The following STAB2 variants were observed in gnomAD, a reference collection of about 807,000 sequenced individuals.
STAB2 encodes the protein stabilin 2.
Under a neutral mutation model 338.1 loss-of-function variants are expected in STAB2, and 288 were observed. The ratio of observed to expected loss-of-function variants is 0.85; its 90% CI spans 0.77 to 0.94. The LOEUF (loss-of-function observed/expected upper bound fraction) is 0.94. Ranked by LOEUF, STAB2 falls within the 40% of genes least tolerant of loss-of-function variation. STAB2 has a pLI of 0.00. For missense variants in STAB2, 3,141 were observed against 3,210.1 expected (o/e 0.98, Z 0.52); for synonymous variants, 1,202 against 1,193.3 (o/e 1.01, Z -0.15).
Position 103,753,316 on chromosome 12 carries a change from C to A in STAB2, c.6677C>A (p.Thr2226Asn). 6.2e-7 allele frequency: 1 copy of A among 1,614,244 alleles called. No individual in the cohort carries two copies. The highest frequency in any genetic ancestry group is 8.5e-7 in the Non-Finnish European group (1 of 1,180,040). ...AREACANEAA[T>N]MATYNQLSYA... Reference sequence around the variant, plus strand: ...GAGGCCTGTGCCAACGAAGCTGCGACCATGGCAACCTACAACCAGCTCTCC... The same window carrying A: ...GAGGCCTGTGCCAACGAAGCTGCGAACATGGCAACCTACAACCAGCTCTCC... The change falls in exon 61 of 69, where the codon ACC becomes AAC. Residue 2226 changes from threonine to asparagine, a missense_variant. Coordinates refer to ENST00000388887, the MANE Select transcript of STAB2 (RefSeq NM_017564.10).
At position 103,755,708 on chromosome 12, in the gene STAB2, A is replaced by G. The variant is rs759700142; in HGVS notation, c.6977A>G (p.Asn2326Ser). The change falls in exon 63 of 69, where the codon AAC becomes AGC. Residue 2326 changes from asparagine to serine, a missense_variant. Asn to Ser is a conservative substitution (Grantham distance 46). Transcript: ENST00000388887. ...CTGATGTCCTTCCCCTCACTCACAA[A>G]CTTCCTGACGGTATGTACCATGTCT... The part of the protein sequence containing the change: ...QVLMSFPSLT[N>S]FLTEVLAYSN... 1.9e-6 allele frequency: 3 copies of G among 1,614,022 alleles called. No homozygotes were observed. The highest frequency in any genetic ancestry group is 2.5e-6 in the Non-Finnish European group (3 of 1,180,000).
At chr12:103,587,787 A>G (rs192960374) in intron 1 of STAB2, among the ~76,000 whole-genome samples, 7 of 152,278 alleles carry the variant, frequency 4.6e-5, no homozygotes, top group Admixed American at 2.0e-4. Context: ...TGGGACCTCT[A>G]ATCTTAGTGC....
chr12:103,736,998 G>C (rs1313579068), intron 52 of STAB2, among the ~76,000 whole-genome samples: 5 of 151,854 alleles, frequency 3.3e-5, no homozygotes, highest in Admixed American at 1.3e-4. Flanking sequence ...GATTATGCCT[G>C]GTACATGTGA....
chr12:103,659,032 G>A (rs1424106480), intron 15 of STAB2, among the ~76,000 whole-genome samples: 2 of 152,224 alleles, frequency 1.3e-5, no homozygotes, highest in Non-Finnish European at 2.9e-5. Flanking sequence ...AAGTTGAGAT[G>A]TAAAGGCTAG....
intron 5 of STAB2, among the ~76,000 whole-genome samples, chr12:103,629,501 C>T (rs191100246): frequency 1.1e-3 from 161 of 152,256 alleles, no homozygotes; most frequent in African/African-American, 3.6e-3. Context: ...ATAGTGGACA[C>T]GGAACAAAGA....
chr12:103,689,984 T>C lies in STAB2; in HGVS notation c.3182+2T>C, dbSNP rs756031449. The C allele has an allele frequency of 6.2e-7, 1 of 1,611,446 alleles. No individual in the cohort carries two copies. The highest frequency in any genetic ancestry group is 1.7e-5 in the Admixed American group (1 of 59,266). On this transcript the variant is annotated splice_donor_variant, in intron 29 of 68. Transcript: ENST00000388887. LOFTEE classifies it high-confidence loss of function. ...GAGCAATATTCCAGCCCTAATAAAG[T>C]AGGTGTTACTTATTTTATTTTACAT...
In STAB2 at chr12:103,727,293, C is replaced by G. The variant is rs1566051998; in HGVS notation, c.4878C>G (p.Gly1626=). Residue 1626 remains glycine, a synonymous_variant, in exon 47 of 69, where the codon GGC becomes GGG. Transcript: ENST00000388887. ...LQEHFVKDLV[G]PGPFTVFAPL... is the part of the protein sequence containing the mutation. The stretch of plus-strand genomic sequence containing the variant: ...AGCATTTCGTGAAAGATCTGGTCGG[C>G]CCAGGCCCCTTCACTGTTTTTGCAC... 1 of 1,614,258 alleles carries G rather than the reference C, an allele frequency of 6.2e-7. No homozygotes were observed. Among genetic ancestry groups the G allele is most frequent in the Non-Finnish European group, 8.5e-7 (1 of 1,180,032 alleles).
At chr12:103,735,851 T>C (rs1882077190) in intron 52 of STAB2, among the ~76,000 whole-genome samples, 1 of 152,166 alleles carries the variant, frequency 6.6e-6, no homozygotes, top group South Asian at 2.1e-4. Flanking sequence ...ATTTCATTTT[T>C]TGTGTAGAGC....
At chr12:103,733,887 T>C (rs34614451) in intron 51 of STAB2, among the ~76,000 whole-genome samples, 4,802 of 141,796 alleles carry the variant, frequency 0.034, 105 homozygotes, top group African/African-American at 0.069. Context: ...AGCACGATCA[T>C]ATAGGAGCAA....
chr12:103,707,038 G>A (rs772387845), intron 38 of STAB2, 51 bp downstream of exon 38: 2 of 1,592,402 alleles, frequency 1.3e-6, no homozygotes, highest in South Asian at 2.3e-5. Flanking sequence ...AACCAACCAG[G>A]AATATGCAGG....
rs1014496129 is a variant in STAB2 at position 103,606,028 on chromosome 12, T to C, written c.331+11518T>C. Among the ~76,000 whole-genome samples the C allele has an allele frequency of 6.6e-5, 10 of 152,224 alleles. 1 individual carries two copies. Among genetic ancestry groups the C allele is most frequent in the Admixed American group, 3.3e-4 (5 of 15,292 alleles). Reference sequence around the variant, plus strand: ...TCATCTTGCTATTTATTTTGTTTGTTCTATCTGTTCTTTGTTCCTTTTGCC... The same window carrying C: ...TCATCTTGCTATTTATTTTGTTTGTCCTATCTGTTCTTTGTTCCTTTTGCC... On this transcript the variant is annotated intron_variant, in intron 3 of 68. Coordinates refer to ENST00000388887, the MANE Select transcript of STAB2 (RefSeq NM_017564.10).
At chr12:103,695,511 C>T (rs1878318647) in intron 31 of STAB2, 39 bp from the exon 32 acceptor site, 1 of 1,608,020 alleles carries the variant, frequency 6.2e-7, no homozygotes, top group Non-Finnish European at 8.5e-7. Context: ...TAGGTCCTAC[C>T]AAAACATGCT....
chr12:103,617,954 C>A (rs1030395053), intron 3 of STAB2, among the ~76,000 whole-genome samples: 1 of 152,156 alleles, frequency 6.6e-6, no homozygotes, highest in African/African-American at 2.4e-5. Context: ...ATGGAAGGAG[C>A]CCCAGAGAAA....
intron 44 of STAB2, among the ~76,000 whole-genome samples, chr12:103,720,023 A>G (rs543226535): frequency 3.5e-4 from 54 of 152,214 alleles, no homozygotes; most frequent in Non-Finnish European, 5.4e-4. Flanking sequence ...TTCTTCTTCA[A>G]TTGAGGCTCC....
At chr12:103,738,408 A>G (rs1170437431) in intron 53 of STAB2, among the ~76,000 whole-genome samples, 1 of 152,174 alleles carries the variant, frequency 6.6e-6, no homozygotes, top group Admixed American at 6.5e-5. Context: ...GCTTACCCCT[A>G]CAATAATCCA....
chr12:103,731,900 G>T (rs981821668), intron 50 of STAB2, among the ~76,000 whole-genome samples: 1 of 152,194 alleles, frequency 6.6e-6, no homozygotes, highest in Non-Finnish European at 1.5e-5. Context: ...AAATTGGAAT[G>T]TGGCAGTAGT....
At chr12:103,648,423 A>G (rs917782476) in intron 9 of STAB2, among the ~76,000 whole-genome samples, 1 of 152,168 alleles carries the variant, frequency 6.6e-6, no homozygotes, top group African/African-American at 2.4e-5. Context: ...AGTGATTCTG[A>G]TGTGCATGGT....
At chr12:103,707,070 C>T (rs2074165909) in intron 38 of STAB2, 83 bp downstream of exon 38, 3 of 1,486,314 alleles carry the variant, frequency 2.0e-6, no homozygotes, top group Non-Finnish European at 2.7e-6. Flanking sequence ...CCCACACGTG[C>T]TCTCTAGCTG....
chr12:103,692,945 C>T (rs541367228), intron 31 of STAB2, 56 bp downstream of exon 31: 10 of 1,460,992 alleles, frequency 6.8e-6, no homozygotes, highest in Admixed American at 3.9e-5. Context: ...TGTTGTTTAT[C>T]GTCCTATACA....
Sources: allele counts gnomAD v4.1 joint callset (sites outside exome capture counted in the v4.1 genomes callset), GRCh38; gene constraint gnomAD v4.1.1; transcripts MANE v1.5; gene names NCBI Gene and HGNC (gene_info 2026-07-23, HGNC 2026-07-21).